The following TMEM131L variants were observed in gnomAD, a reference collection of about 807,000 sequenced individuals.
TMEM131L encodes the protein transmembrane protein 131-like.
TMEM131L carries 54 observed loss-of-function variants against 192.2 expected under a neutral mutation model. The observed-to-expected ratio is 0.28, with a 90% CI of 0.23 to 0.35. TMEM131L has a LOEUF of 0.35. Ranked by LOEUF, TMEM131L falls within the 10% of genes least tolerant of loss-of-function variation. TMEM131L has a pLI of 1.00. For synonymous variants in TMEM131L, 701 were observed against 704.9 expected (o/e 0.99, Z 0.09); for missense variants, 1,888 against 1,972.9 (o/e 0.96, Z 0.82).
At chr4:153,542,887 G>A (rs139874341) in intron 3 of TMEM131L, among the ~76,000 whole-genome samples, 107 of 152,292 alleles carry the variant, frequency 7.0e-4, no homozygotes, top group African/African-American at 2.2e-3. Flanking sequence ...TCTGACAGAC[G>A]CAATGTCTCC....
intron 3 of TMEM131L, among the ~76,000 whole-genome samples, chr4:153,537,784 GT>G (rs1736451386): frequency 6.6e-6 from 1 of 152,154 alleles, no homozygotes; most frequent in African/African-American, 2.4e-5. Context: ...TTTCAGCCTC[GT>G]TTTACCCAGC....
intron 20 of TMEM131L, 125 bp downstream of exon 20, chr4:153,596,510 A>G (rs760849245): frequency 1.4e-5 from 17 of 1,192,642 alleles, no homozygotes; most frequent in Non-Finnish European, 1.8e-5. Context: ...GTTGCGGGGT[A>G]GGAAGAAGTG....
At position 153,606,357 on chromosome 4, in the gene TMEM131L, C is replaced by G. The variant is rs565581408; in HGVS notation, c.3418+1927C>G. On this transcript the variant is annotated intron_variant, in intron 25 of 34. Coordinates refer to ENST00000409959, the MANE Select transcript of TMEM131L (RefSeq NM_001131007.2). ...TGCTTCTTCTGTGATCGCTTGTGCC[C>G]ACAAGAGATATGTGCCTGCAAGATG... Among the ~76,000 whole-genome samples the G allele has an allele frequency of 3.3e-5, 5 of 152,260 alleles. No homozygotes were observed. In the South Asian group the frequency reaches 1.0e-3, roughly 32 times the overall value.
intron 29 of TMEM131L, among the ~76,000 whole-genome samples, chr4:153,623,800 TTTTGAGAAAG>T (rs1156904836): frequency 6.6e-6 from 1 of 152,206 alleles, no homozygotes; most frequent in Non-Finnish European, 1.5e-5. Flanking sequence ...TGTCCCTTAT[TTTTGAGAAAG>T]TTTGAGAAAG....
chr4:153,528,091 T>C (rs1735627280), intron 3 of TMEM131L, among the ~76,000 whole-genome samples: 1 of 152,214 alleles, frequency 6.6e-6, no homozygotes, highest in South Asian at 2.1e-4. Flanking sequence ...AGTTCTCTCA[T>C]CTCTGAAATA....
chr4:153,491,885 T>G (rs185120296), intron 3 of TMEM131L, among the ~76,000 whole-genome samples: 2 of 152,254 alleles, frequency 1.3e-5, no homozygotes, highest in Admixed American at 1.3e-4. Context: ...TTTAAAATAT[T>G]TTTTGTAGAG....
At chr4:153,570,880 G>C (rs556556974) in intron 7 of TMEM131L, among the ~76,000 whole-genome samples, 1 of 152,328 alleles carries the variant, frequency 6.6e-6, no homozygotes, top group South Asian at 2.1e-4. Flanking sequence ...CTTTGGAAGT[G>C]TGAGTCCATC....
chr4:153,518,005 C>T (rs1047008345), intron 3 of TMEM131L, among the ~76,000 whole-genome samples: 12 of 151,670 alleles, frequency 7.9e-5, no homozygotes, highest in African/African-American at 2.9e-4. Context: ...CTTGAACTTA[C>T]GATGAGTGTG....
rs143536981 is a variant in TMEM131L at position 153,602,597 on chromosome 4, G to A, written c.2509G>A (p.Ala837Thr). 242 of 1,614,024 alleles carry A rather than the reference G, an allele frequency of 1.5e-4. No individual in the cohort carries two copies. In the African/African-American group the frequency reaches 2.4e-3, roughly 16 times the overall value. The stretch of plus-strand genomic sequence containing the variant: ...AATTCGGGACCTAAGTCTTGTAACC[G>A]CAGCGGACCTAGAATTTCGCTTCAC... ...WVIRDLSLVT[A>T]ADLEFRFTLN... is the part of the protein sequence containing the mutation. The change falls in exon 23 of 35, where the codon GCA becomes ACA. Residue 837 changes from alanine to threonine, a missense_variant. Coordinates refer to ENST00000409959, the MANE Select transcript of TMEM131L (RefSeq NM_001131007.2).
chr4:153,591,741 T>C (rs927858041), intron 17 of TMEM131L, among the ~76,000 whole-genome samples: 1 of 152,210 alleles, frequency 6.6e-6, no homozygotes, highest in South Asian at 2.1e-4. Context: ...GTATGACTTA[T>C]CAGGTGCTCA....
At chr4:153,586,488 A>T in intron 14 of TMEM131L, 109 bp downstream of exon 14, 1 of 748,400 alleles carries the variant, frequency 1.3e-6, no homozygotes, top group Non-Finnish European at 2.0e-6. Flanking sequence ...ACGTTCTTTA[A>T]GGCTAAGAAA....
intron 3 of TMEM131L, among the ~76,000 whole-genome samples, chr4:153,505,638 G>A (rs1733935612): frequency 6.6e-6 from 1 of 152,204 alleles, no homozygotes; most frequent in Admixed American, 6.6e-5. Context: ...TATTCAGGTT[G>A]TCATTGTGTT....
intron 3 of TMEM131L, among the ~76,000 whole-genome samples, chr4:153,520,927 T>A (rs910039307): frequency 7.2e-5 from 11 of 152,214 alleles, no homozygotes; most frequent in African/African-American, 2.7e-4. Flanking sequence ...GATCCTTTAC[T>A]TCCTGGAATT....
chr4:153,527,664 C>T (rs185362046), intron 3 of TMEM131L, among the ~76,000 whole-genome samples: 1 of 152,162 alleles, frequency 6.6e-6, no homozygotes, highest in East Asian at 1.9e-4. Context: ...TTAATGTTTA[C>T]TTCCTTTTCT....
chr4:153,533,096 C>G (rs528596061), intron 3 of TMEM131L, among the ~76,000 whole-genome samples: 1 of 150,554 alleles, frequency 6.6e-6, no homozygotes, highest in African/African-American at 2.5e-5. Flanking sequence ...AAGCAATTTT[C>G]CTGCCTCAGC....
chr4:153,494,880 C>T (rs193064890), intron 3 of TMEM131L, among the ~76,000 whole-genome samples: 1 of 152,340 alleles, frequency 6.6e-6, no homozygotes, highest in Admixed American at 6.5e-5. Context: ...ATTGGGTGAC[C>T]TGCCGGGGCT....
intron 3 of TMEM131L, among the ~76,000 whole-genome samples, chr4:153,538,378 G>C (rs1736502600): frequency 6.6e-6 from 1 of 152,170 alleles, no homozygotes; most frequent in South Asian, 2.1e-4. Context: ...TCACATGCAG[G>C]CACTTCCCAG....
At chr4:153,483,634 C>T (rs1246743738) in intron 3 of TMEM131L, among the ~76,000 whole-genome samples, 2 of 151,924 alleles carry the variant, frequency 1.3e-5, no homozygotes, top group African/African-American at 2.4e-5. Flanking sequence ...TTGAGGTTGC[C>T]GTGAGCTGTG....
intron 15 of TMEM131L, among the ~76,000 whole-genome samples, chr4:153,588,035 G>A (rs980757737): frequency 7.2e-6 from 1 of 137,996 alleles, no homozygotes; most frequent in South Asian, 2.2e-4. Flanking sequence ...TTGTACTTCC[G>A]CAAGGGTTTT....
Sources: gnomAD v4.1 joint callset for allele counts (sites outside exome capture counted in the v4.1 genomes callset) on GRCh38, gnomAD v4.1.1 for gene constraint, MANE v1.5 for transcripts, NCBI Gene and HGNC (gene_info 2026-07-23, HGNC 2026-07-21) for gene names.